Variants in BCAR1 observed in about 807,000 individuals in gnomAD.
The protein encoded by BCAR1 is BCAR1 scaffold protein, Cas family member.
In BCAR1, 30 loss-of-function variants were observed where a neutral mutation model predicts 67.6. The ratio of observed to expected loss-of-function variants is 0.44; its 90% confidence interval spans 0.33 to 0.60. The LOEUF is 0.60. BCAR1 is among the 20% of genes least tolerant of loss of function. The pLI, the probability that BCAR1 is intolerant of heterozygous loss-of-function variation, is 0.02. For synonymous variants in BCAR1, 626 were observed against 556.7 expected, an observed-to-expected ratio of 1.12 and a Z score of -1.75; for missense variants, 1,313 against 1,222.3, an observed-to-expected ratio of 1.07 and a Z score of -1.11.
upstream of BCAR1, among the ~76,000 whole-genome samples, chr16:75,254,540 C>A (rs1020501455): frequency 6.6e-6 from 1 of 152,180 alleles, no homozygotes; most frequent in Non-Finnish European, 1.5e-5. Flanking sequence ...TTAAGTCACG[C>A]CTAAGTGCAG....
chr16:75,257,650 TCAC>T (rs2077810876), intron 1 of BCAR1, among the ~76,000 whole-genome samples: 1 of 152,060 alleles, frequency 6.6e-6, no homozygotes, highest in African/African-American at 2.4e-5. Context: ...AAATGGGGTT[TCAC>T]TATATTGCCC....
At chr16:75,244,125 G>A (rs1340865329) in intron 1 of BCAR1, among the ~76,000 whole-genome samples, 1 of 152,184 alleles carries the variant, frequency 6.6e-6, no homozygotes, top group Non-Finnish European at 1.5e-5. Flanking sequence ...GACAGTGACC[G>A]GCACTGGGCT....
At chr16:75,230,395 C>A (rs1413200681) in intron 6 of BCAR1, among the ~76,000 whole-genome samples, 1 of 152,074 alleles carries the variant, frequency 6.6e-6, no homozygotes, top group Non-Finnish European at 1.5e-5. Flanking sequence ...GCACTGGGGA[C>A]CCCTCGACCC....
intron 2 of BCAR1, chr16:75,239,001 A>C (rs2077240830): frequency 1.0e-6 from 1 of 985,290 alleles, no homozygotes; most frequent in Non-Finnish European, 1.2e-6. Flanking sequence ...TCACGCGGTG[A>C]GGCCCAGGGG....
In BCAR1 at chr16:75,235,096, G is replaced by A. The variant is rs1486879139; in HGVS notation, c.1803C>T (p.Ala601=). ...CCTTGGTCCGTCTGAAGAGCAGTGA[G>A]GCATTGCCGTGCAGGAAGGAGGCCA... ...KQLASFLHGN[A]SLLFRRTKAT... The change falls in exon 5 of 7, where the codon GCC becomes GCT. Residue 601 remains alanine (A), a synonymous_variant. Coordinates refer to ENST00000162330, the MANE Select transcript of BCAR1 (RefSeq NM_014567.5). The A allele has an allele frequency of 4.3e-6, 7 of 1,612,398 alleles. No homozygotes were observed. The highest frequency in any genetic ancestry group is 5.9e-6 in the Non-Finnish European group (7 of 1,180,022).
upstream of BCAR1, among the ~76,000 whole-genome samples, chr16:75,254,748 C>T (rs2077741779): frequency 1.3e-5 from 2 of 152,158 alleles, no homozygotes; most frequent in African/African-American, 2.4e-5. Context: ...TGGCCTGGCA[C>T]CTCCAGCCAG....
intron 6 of BCAR1, among the ~76,000 whole-genome samples, chr16:75,232,195 C>T (rs762266828): frequency 1.4e-5 from 2 of 145,504 alleles, no homozygotes; most frequent in African/African-American, 2.6e-5. Context: ...GAATCTCACC[C>T]TGTCGCCCAG....
rs1185178020 is a variant in BCAR1, at chr16:75,229,730, T to C, written c.2394A>G (p.Thr798=). The C allele has an allele frequency of 3.7e-6, 6 of 1,613,320 alleles. No individual in the cohort carries two copies. In the African/African-American group the frequency reaches 4.0e-5, roughly 11 times the overall value. ...SAHKLVFIGD[T]LSRQAKAADV... ...CAGCAGCCTTGGCCTGCCGTGACAG[T>C]GTGTCCCCGATGAACACCAGCTTGT... The change falls in exon 7 of 7, where the codon ACA becomes ACG. Residue 798 remains threonine (T), a synonymous_variant. Coordinates refer to ENST00000162330, the MANE Select transcript of BCAR1 (RefSeq NM_014567.5).
At chr16:75,266,921 C>G in intron 1 of BCAR1, 1 of 587,968 alleles carries the variant, frequency 1.7e-6, no homozygotes, top group Non-Finnish European at 2.5e-6. Context: ...CAGAAAGCTC[C>G]AGCTGCCTAG....
At chr16:75,231,914 T>C (rs190373936) in intron 6 of BCAR1, among the ~76,000 whole-genome samples, 157 of 152,310 alleles carry the variant, frequency 1.0e-3, no homozygotes, top group East Asian at 3.9e-4. Flanking sequence ...GGAGTTTCGC[T>C]CTTGTTGCCC....
At chr16:75,256,561 C>T (rs2077782680), upstream of BCAR1, among the ~76,000 whole-genome samples, 1 of 152,114 alleles carries the variant, frequency 6.6e-6, no homozygotes, top group African/African-American at 2.4e-5. Context: ...GCCTGCATCC[C>T]ACTAAATCCA....
chr16:75,251,433 A>G, intron 1 of BCAR1, 38 bp downstream of exon 1: 1 of 1,469,346 alleles, frequency 6.8e-7, no homozygotes, highest in Non-Finnish European at 9.0e-7. Flanking sequence ...TGCCGCCTCC[A>G]AGCCCGTACG....
At chr16:75,253,310 C>T (rs1404324889), upstream of BCAR1, among the ~76,000 whole-genome samples, 1 of 152,230 alleles carries the variant, frequency 6.6e-6, no homozygotes, top group Non-Finnish European at 1.5e-5. Context: ...CTGAGGTCAT[C>T]CCTGGGCCTC....
At chr16:75,245,591 G>A (rs907972916) in intron 1 of BCAR1, among the ~76,000 whole-genome samples, 2 of 152,254 alleles carry the variant, frequency 1.3e-5, no homozygotes, top group African/African-American at 4.8e-5. Context: ...GCCCTGCCAG[G>A]CATGAGCTCA....
In BCAR1 at chr16:75,229,956, G is replaced by T. The variant is rs537808369; in HGVS notation, c.2168C>A (p.Thr723Lys). Residue 723 changes from threonine (T) to lysine (K), a missense_variant, in exon 7 of 7, where the codon ACG (threonine) becomes AAG (lysine). Thr to Lys is a moderately conservative substitution (Grantham distance 78). Around this residue, in one of 2 missense-constraint regions of BCAR1, gnomAD observed 1,272 missense variants for 1,137.5 expected, o/e 1.12. Transcript: ENST00000162330. Reference sequence around the variant, plus strand: ...CCCCGGGGCCAGGGGTTGGGCTGGCGTCCAGTTGGCCAGGTCGTGGTCTAT... The same window carrying T: ...CCCCGGGGCCAGGGGTTGGGCTGGCTTCCAGTTGGCCAGGTCGTGGTCTAT... The part of the protein sequence containing the change: ...RPIDHDLANW[T>K]PAQPLAPGRT... The T allele has an allele frequency of 6.3e-7, 1 of 1,596,472 alleles. No homozygotes were observed. The highest frequency in any genetic ancestry group is 8.6e-7 in the Non-Finnish European group (1 of 1,168,884).
intron 1 of BCAR1, among the ~76,000 whole-genome samples, chr16:75,257,178 C>A (rs2151472979): frequency 6.6e-6 from 1 of 152,286 alleles, no homozygotes; most frequent in Admixed American, 6.5e-5. Flanking sequence ...AGGAGGCCTC[C>A]CCAGCCCAAC....
chr16:75,235,082 C>A lies in BCAR1; in HGVS notation c.1817G>T (p.Arg606Ile). 6.2e-7 allele frequency: 1 copy of A among 1,612,790 alleles called. No individual in the cohort carries two copies. Among genetic ancestry groups the A allele is most frequent in the Non-Finnish European group, 8.5e-7 (1 of 1,180,020 alleles). The change falls in exon 5 of 7, where the codon AGA (arginine) becomes ATA (isoleucine). Residue 606 changes from arginine (R) to isoleucine (I), a missense_variant. This residue lies in a region of BCAR1 where 1,272 missense variants were observed against 1,137.5 expected (regional missense o/e 1.12). Transcript: ENST00000162330. ...CCCCGGGGCAGTGGCCTTGGTCCGT[C>A]TGAAGAGCAGTGAGGCATTGCCGTG... ...FLHGNASLLF[R>I]RTKATAPGPE...
chr16:75,235,114 G>A lies in BCAR1; in HGVS notation c.1785C>T (p.Ser595=), dbSNP rs778581959. The A allele has an allele frequency of 7.4e-5, 119 of 1,611,272 alleles. No individual in the cohort carries two copies. In the South Asian group the frequency reaches 1.3e-3, roughly 17 times the overall value. ...AVPEDAKQLA[S]FLHGNASLLF... ...GCAGTGAGGCATTGCCGTGCAGGAA[G>A]GAGGCCAGCTGCTTGGCGTCCTCGG... is the stretch of plus-strand genomic sequence containing the variant. The change falls in exon 5 of 7, where the codon TCC becomes TCT. Residue 595 remains serine, a synonymous_variant. Transcript: ENST00000162330.
chr16:75,241,671 C>A (rs923256297), intron 2 of BCAR1, among the ~76,000 whole-genome samples: 3 of 152,224 alleles, frequency 2.0e-5, no homozygotes, highest in Non-Finnish European at 2.9e-5. Flanking sequence ...CCGGCCATGC[C>A]TCCTGGGTAC....
Sources: allele counts gnomAD v4.1 joint callset (sites outside exome capture counted in the v4.1 genomes callset), GRCh38; gene constraint gnomAD v4.1.1; regional missense constraint gnomAD v4.1.1; transcripts MANE v1.5; gene names NCBI Gene and HGNC (gene_info 2026-07-23, HGNC 2026-07-21).